Variants in KCNQ1OT1 observed in about 807,000 individuals in gnomAD.
KCNQ1OT1 encodes KCNQ1 antisense RNA 2 (non-protein coding).
rs1849862386 is a variant in KCNQ1OT1 at position 2,657,012 on chromosome 11, T to A, written n.42983A>T. 2.5e-6 allele frequency: 1 copy of A among 398,508 alleles called. No homozygotes were observed. The highest frequency in any genetic ancestry group is 2.1e-5 in the African/African-American group (1 of 48,644). 24.7% of individuals were successfully genotyped at this position (398,508 alleles called of 1,614,324 possible). A position where few individuals can be genotyped will look rare whatever the true frequency, so the allele number is the denominator to read the frequency against. On this transcript the variant is annotated non_coding_transcript_exon_variant, in exon 1 of 1. Coordinates refer to ENST00000597346, the Ensembl canonical transcript of KCNQ1OT1. The surrounding 1 kb of genome is among the most constrained non-coding windows in gnomAD (Gnocchi z 4.8). ...CTTCCCAGGATGTGCAGGCCACCTC[T>A]GATACACAGCAAGCTTCCATATTTG...
At position 2,642,752 on chromosome 11, in the gene KCNQ1OT1, A is replaced by G; in HGVS notation, n.57243T>C. Reference sequence around the variant, plus strand: ...CTTTTCTGGTTCCTTCAGGTGTATCATTAGATTATTTAAGATCTTTTCTAC... The same window carrying G: ...CTTTTCTGGTTCCTTCAGGTGTATCGTTAGATTATTTAAGATCTTTTCTAC... On this transcript the variant is annotated non_coding_transcript_exon_variant, in exon 1 of 1. Coordinates refer to ENST00000597346, the Ensembl canonical transcript of KCNQ1OT1. The surrounding 1 kb of genome is among the most constrained non-coding windows in gnomAD (Gnocchi z 4.3). 2.5e-6 allele frequency: 1 copy of G among 397,654 alleles called. No homozygotes were observed. Among genetic ancestry groups the G allele is most frequent in the Non-Finnish European group, 4.4e-6 (1 of 225,588 alleles). 24.6% of individuals were successfully genotyped at this position (397,654 alleles called of 1,614,324 possible). A position where few individuals can be genotyped will look rare whatever the true frequency, so the allele number is the denominator to read the frequency against.
chr11:2,667,741 G>A (rs1164087105), exon 1 of KCNQ1OT1: 1 of 398,656 alleles, frequency 2.5e-6, no homozygotes, highest in Non-Finnish European at 4.4e-6. Flanking sequence ...GAGGGAGTGG[G>A]ATGGGGCTGG....
At position 2,624,760 on chromosome 11, in the gene KCNQ1OT1, C is replaced by G; in HGVS notation, n.75235G>C. 1 of 398,524 alleles carries G rather than the reference C, an allele frequency of 2.5e-6. No homozygotes were observed. The highest frequency in any genetic ancestry group is 4.4e-6 in the Non-Finnish European group (1 of 226,040). The allele number at this position is 398,524 out of a possible 1,614,324, so 24.7% of individuals were successfully genotyped here. ...TCCCCAACCCCCCCACCACCGCCAT[C>G]TCTTGGAAACCACCTTGTACTTTCT... On this transcript the variant is annotated non_coding_transcript_exon_variant, in exon 1 of 1. Coordinates refer to ENST00000597346, the Ensembl canonical transcript of KCNQ1OT1. This position sits in a 1 kb window ranked among gnomAD's most constrained non-coding sequence, Gnocchi z 4.9.
At chr11:2,644,793 A>G in exon 1 of KCNQ1OT1, 1 of 398,616 alleles carries the variant, frequency 2.5e-6, no homozygotes, top group Non-Finnish European at 4.4e-6. Context: ...TGTGATCTCC[A>G]TGGAATTTTT....
exon 1 of KCNQ1OT1, chr11:2,667,127 A>C (rs892985118): frequency 2.5e-6 from 1 of 398,536 alleles, no homozygotes; most frequent in Non-Finnish European, 4.4e-6. Context: ...GCTCAGTGGG[A>C]AAGAGATGGG....
exon 1 of KCNQ1OT1, chr11:2,688,658 C>A: frequency 2.5e-6 from 1 of 398,808 alleles, no homozygotes. Context: ...CATAGGGCTG[C>A]CTGCTTCGTT....
exon 1 of KCNQ1OT1, chr11:2,640,767 ATAAAT>A (rs1849562996): frequency 2.5e-6 from 1 of 398,438 alleles, no homozygotes; most frequent in Non-Finnish European, 4.4e-6. Context: ...ATCAAACATT[ATAAAT>A]TATTTATTCT....
In KCNQ1OT1 at chr11:2,621,579, T is replaced by C. The variant is rs1440572305; in HGVS notation, n.78416A>G. 2 of 398,466 alleles carry C rather than the reference T, an allele frequency of 5.0e-6. No homozygotes were observed. Among genetic ancestry groups the C allele is most frequent in the African/African-American group, 2.1e-5 (1 of 48,636 alleles). The allele number at this position is 398,466 out of a possible 1,614,324, so 24.7% of individuals were successfully genotyped here. A position where few individuals can be genotyped will look rare whatever the true frequency, so the allele number is the denominator to read the frequency against. On this transcript the variant is annotated non_coding_transcript_exon_variant, in exon 1 of 1. Coordinates refer to ENST00000597346, the Ensembl canonical transcript of KCNQ1OT1. This position sits in a 1 kb window ranked among gnomAD's most constrained non-coding sequence, Gnocchi z 5.7. Reference sequence around the variant, plus strand: ...CTGTGATCTCTTTGCTATTGGTCTGTTCAGGCTTTCTATTCCTGATTTAAT... The same window carrying C: ...CTGTGATCTCTTTGCTATTGGTCTGCTCAGGCTTTCTATTCCTGATTTAAT...
At position 2,659,067 on chromosome 11, in the gene KCNQ1OT1, C is replaced by G. The variant is rs1393789237; in HGVS notation, n.40928G>C. On this transcript the variant is annotated non_coding_transcript_exon_variant, in exon 1 of 1. Transcript: ENST00000597346. This position sits in a 1 kb window ranked among gnomAD's most constrained non-coding sequence, Gnocchi z 4.3. ...TGTCATTTGTTTGTAACACGCTCAT[C>G]ATAGTCTGCTTTTCATCGTAGGGTC... 7.5e-6 allele frequency: 3 copies of G among 398,484 alleles called. No individual in the cohort carries two copies. Among genetic ancestry groups the G allele is most frequent in the Non-Finnish European group, 1.3e-5 (3 of 226,054 alleles). 24.7% of individuals were successfully genotyped at this position (398,484 alleles called of 1,614,324 possible).
chr11:2,640,285 A>G (rs1849552867), exon 1 of KCNQ1OT1: 2 of 397,910 alleles, frequency 5.0e-6, no homozygotes, highest in Admixed American at 8.8e-5. Flanking sequence ...GAAATCACCC[A>G]TCTTCTGCGT....
In KCNQ1OT1 at chr11:2,691,200, A is replaced by G; in HGVS notation, n.8795T>C. The G allele has an allele frequency of 5.0e-6, 2 of 398,588 alleles. No homozygotes were observed. The highest frequency in any genetic ancestry group is 8.8e-6 in the Non-Finnish European group (2 of 226,068). 24.7% of individuals were successfully genotyped at this position (398,588 alleles called of 1,614,324 possible). On this transcript the variant is annotated non_coding_transcript_exon_variant, in exon 1 of 1. Coordinates refer to ENST00000597346, the Ensembl canonical transcript of KCNQ1OT1. This position sits in a 1 kb window ranked among gnomAD's most constrained non-coding sequence, Gnocchi z 6.4. ...GGTGCTCAGAGCTCAGCTGTGTTTAAAAATTAGCAAGTGGAGGAGTTAGAG... is the reference window on the plus strand; with the variant it reads ...GGTGCTCAGAGCTCAGCTGTGTTTAGAAATTAGCAAGTGGAGGAGTTAGAG...
exon 1 of KCNQ1OT1, chr11:2,625,558 G>A (rs1849248487): frequency 5.1e-6 from 2 of 391,552 alleles, no homozygotes; most frequent in Non-Finnish European, 8.9e-6. Flanking sequence ...TTGGAGATAC[G>A]TCTGTCCAAG....
At position 2,684,567 on chromosome 11, in the gene KCNQ1OT1, G is replaced by A. The variant is rs1002941015; in HGVS notation, n.15428C>T. On this transcript the variant is annotated non_coding_transcript_exon_variant, in exon 1 of 1. Coordinates refer to ENST00000597346, the Ensembl canonical transcript of KCNQ1OT1. Reference sequence around the variant, plus strand: ...GATGCTTTCTCCATGTCCCATAAATGACTTTCTGGCAGAGGAGAGTGACTG... The same window carrying A: ...GATGCTTTCTCCATGTCCCATAAATAACTTTCTGGCAGAGGAGAGTGACTG... 5.5e-5 allele frequency: 22 copies of A among 398,624 alleles called. No homozygotes were observed. The East Asian group carries it at 7.8e-4, about 14-fold the overall frequency. The allele number at this position is 398,624 out of a possible 1,614,324, so 24.7% of individuals were successfully genotyped here.
At position 2,677,289 on chromosome 11, in the gene KCNQ1OT1, T is replaced by C. The variant is rs1034076442; in HGVS notation, n.22706A>G. On this transcript the variant is annotated non_coding_transcript_exon_variant, in exon 1 of 1. Coordinates refer to ENST00000597346, the Ensembl canonical transcript of KCNQ1OT1. The surrounding 1 kb of genome is among the most constrained non-coding windows in gnomAD (Gnocchi z 4.5). ...AGAGGAACTGTAAATCTTGTCAAAA[T>C]AGGAGATTTCATCAAGTTAAAGAAA... 8 of 398,450 alleles carry C rather than the reference T, an allele frequency of 2.0e-5. No individual in the cohort carries two copies. The highest frequency in any genetic ancestry group is 1.8e-4 in the Admixed American group (4 of 22,710). 24.7% of individuals were successfully genotyped at this position (398,450 alleles called of 1,614,324 possible).
exon 1 of KCNQ1OT1, chr11:2,655,290 C>G (rs566966099): frequency 1.5e-5 from 6 of 398,568 alleles, no homozygotes; most frequent in African/African-American, 1.2e-4. Context: ...TTGTTCTGCC[C>G]TGAAAATTTA....
exon 1 of KCNQ1OT1, chr11:2,616,055 A>G: frequency 2.5e-6 from 1 of 398,102 alleles, no homozygotes. Flanking sequence ...GTCTGCTCAT[A>G]ATTTCAATTT....
chr11:2,632,099 C>T lies in KCNQ1OT1; in HGVS notation n.67896G>A, dbSNP rs141491124. The stretch of plus-strand genomic sequence containing the variant: ...TTGGGAGGCTGAAGCAGGAGAATGG[C>T]GTGAACTCGGGAGGCAGAGCTTGCA... On this transcript the variant is annotated non_coding_transcript_exon_variant, in exon 1 of 1. Transcript: ENST00000597346. 2.4e-3 allele frequency: 950 copies of T among 388,828 alleles called. 4 individuals are homozygous for T. The highest frequency in any genetic ancestry group is 0.018 in the African/African-American group (845 of 46,716). 24.1% of individuals were successfully genotyped at this position (388,828 alleles called of 1,614,324 possible).
chr11:2,699,993 C>T (rs1367570560), exon 1 of KCNQ1OT1: 2 of 398,202 alleles, frequency 5.0e-6, no homozygotes, highest in African/African-American at 4.1e-5. Flanking sequence ...GGCGACCGTT[C>T]TGCCTGGAGA....
rs184662220 is a variant in KCNQ1OT1 at position 2,691,432 on chromosome 11, C to G, written n.8563G>C. On this transcript the variant is annotated non_coding_transcript_exon_variant, in exon 1 of 1. Coordinates refer to ENST00000597346, the Ensembl canonical transcript of KCNQ1OT1. This position sits in a 1 kb window ranked among gnomAD's most constrained non-coding sequence, Gnocchi z 6.4. ...TGTCTGTGGGGAGTCCACTGAAGCT[C>G]CCTGCCCCCACTGAGTCTCTGATGT... The G allele has an allele frequency of 7.5e-6, 3 of 398,632 alleles. No homozygotes were observed. Among genetic ancestry groups the G allele is most frequent in the East Asian group, 3.6e-5 (1 of 28,062 alleles). The allele number at this position is 398,632 out of a possible 1,614,324, so 24.7% of individuals were successfully genotyped here.
Sources: gnomAD v4.1 joint callset for allele counts on GRCh38, gnomAD v4.1.1 for gene constraint, Gnocchi (gnomAD v3.1) non-coding constraint, MANE v1.5 for transcripts, NCBI Gene and HGNC (gene_info 2026-07-23, HGNC 2026-07-21) for gene names.